TAFA2: variants seen among roughly 807,000 people sequenced by gnomAD.
TAFA2 encodes chemokine-like protein TAFA-2.
TAFA2 carries 7 observed loss-of-function variants against 18.8 expected under a neutral mutation model. The ratio of observed to expected loss-of-function variants is 0.37; its 90% CI spans 0.21 to 0.70. TAFA2 has a LOEUF of 0.70. TAFA2 is among the 30% of genes least tolerant of loss of function. The probability of loss-of-function intolerance (pLI) is 0.53; values close to 1 mark genes in which losing one functional copy is unlikely to be tolerated. For missense variants in TAFA2, 122 were observed against 158.1 expected (o/e 0.77, Z 1.23); for synonymous variants, 60 against 54.2 (o/e 1.11, Z -0.47).
intron 1 of TAFA2, chr12:61,879,579 G>A: frequency 1.3e-6 from 1 of 754,780 alleles, no homozygotes. Context: ...TCCAGGCCAG[G>A]TTCTGCACAC....
chr12:61,980,352 T>C (rs1879588084), intron 1 of TAFA2, among the ~76,000 whole-genome samples: 1 of 152,124 alleles, frequency 6.6e-6, no homozygotes, highest in Non-Finnish European at 1.5e-5. Context: ...GCCAATATCA[T>C]ACTGAATGGA....
intron 1 of TAFA2, among the ~76,000 whole-genome samples, chr12:61,980,421 C>A (rs754306229): frequency 6.6e-6 from 1 of 152,096 alleles, no homozygotes; most frequent in African/African-American, 2.4e-5. Context: ...CCTCTCTCAC[C>A]GCTCCTATTC....
chr12:61,843,554 G>A (rs779871473), intron 2 of TAFA2, among the ~76,000 whole-genome samples: 2 of 152,030 alleles, frequency 1.3e-5, no homozygotes, highest in Non-Finnish European at 2.9e-5. Flanking sequence ...AAGAGTTGGG[G>A]ATGTGAAGCC....
chr12:62,187,413 A>C (rs2062593584), intron 1 of TAFA2, among the ~76,000 whole-genome samples: 1 of 152,210 alleles, frequency 6.6e-6, no homozygotes, highest in Admixed American at 6.5e-5. Flanking sequence ...GCACCTATAA[A>C]GGCAGACATT....
chr12:61,888,153 A>G (rs534761882), intron 1 of TAFA2, among the ~76,000 whole-genome samples: 1 of 152,284 alleles, frequency 6.6e-6, no homozygotes, highest in East Asian at 1.9e-4. Flanking sequence ...TAGTTCAACC[A>G]TTGTGGAAGT....
intron 1 of TAFA2, among the ~76,000 whole-genome samples, chr12:62,128,325 C>T (rs1223496577): frequency 6.6e-6 from 1 of 152,008 alleles, no homozygotes; most frequent in African/African-American, 2.4e-5. Flanking sequence ...GTGACAAAAT[C>T]AATGCACTGG....
intron 1 of TAFA2, among the ~76,000 whole-genome samples, chr12:62,201,930 C>T (rs2062672616): frequency 1.3e-5 from 2 of 152,042 alleles, no homozygotes; most frequent in African/African-American, 4.8e-5. Context: ...TTTTATTGGT[C>T]TATTTAGGGA....
At chr12:62,090,964 T>C (rs1296364235) in intron 1 of TAFA2, among the ~76,000 whole-genome samples, 1 of 152,074 alleles carries the variant, frequency 6.6e-6, no homozygotes, top group African/African-American at 2.4e-5. Flanking sequence ...TACTTATGCC[T>C]ATTTTCCATT....
intron 1 of TAFA2, among the ~76,000 whole-genome samples, chr12:61,914,011 A>G (rs1264590790): frequency 6.6e-6 from 1 of 152,070 alleles, no homozygotes; most frequent in Non-Finnish European, 1.5e-5. Flanking sequence ...AAAGGGGAAA[A>G]CCCCAGCTAT....
chr12:61,819,298 C>T (rs1346804226), intron 2 of TAFA2, among the ~76,000 whole-genome samples: 2 of 152,162 alleles, frequency 1.3e-5, no homozygotes, highest in African/African-American at 4.8e-5. Flanking sequence ...TACCCAGAAA[C>T]AGCATTACTT....
At chr12:61,808,183 T>C (rs980510479) in intron 2 of TAFA2, among the ~76,000 whole-genome samples, 4 of 151,492 alleles carry the variant, frequency 2.6e-5, no homozygotes, top group Admixed American at 2.0e-4. Context: ...GGCAGGTCTT[T>C]CCCATGCTGT....
intron 2 of TAFA2, among the ~76,000 whole-genome samples, chr12:61,846,992 T>G (rs1222671372): frequency 6.6e-6 from 1 of 152,150 alleles, no homozygotes; most frequent in African/African-American, 2.4e-5. Context: ...AGGTTCCTCA[T>G]TCTTCTCTTA....
At chr12:61,823,456 C>G (rs1034531344) in intron 2 of TAFA2, among the ~76,000 whole-genome samples, 80 of 152,220 alleles carry the variant, frequency 5.3e-4, no homozygotes, top group African/African-American at 1.8e-3. Flanking sequence ...TACAGGCACC[C>G]ATTAACTTTG....
intron 1 of TAFA2, among the ~76,000 whole-genome samples, chr12:61,930,811 G>A (rs1486191735): frequency 2.0e-5 from 3 of 152,182 alleles, no homozygotes; most frequent in African/African-American, 4.8e-5. Context: ...CCCATGAATA[G>A]CAATGTCTGT....
intron 1 of TAFA2, among the ~76,000 whole-genome samples, chr12:62,038,757 A>G (rs1229769306): frequency 6.6e-6 from 1 of 152,212 alleles, no homozygotes; most frequent in East Asian, 1.9e-4. Context: ...CTATGCAAAA[A>G]GGTACAACAA....
chr12:61,954,810 C>T (rs1878594719), intron 1 of TAFA2, among the ~76,000 whole-genome samples: 1 of 152,070 alleles, frequency 6.6e-6, no homozygotes, highest in Non-Finnish European at 1.5e-5. Flanking sequence ...CTAGAACAGA[C>T]AAAAAAGTCT....
At chr12:62,044,036 C>T (rs1881841025) in intron 1 of TAFA2, among the ~76,000 whole-genome samples, 1 of 152,130 alleles carries the variant, frequency 6.6e-6, no homozygotes, top group African/African-American at 2.4e-5. Flanking sequence ...AAGTGTTCTA[C>T]ACAATCTGCA....
upstream of TAFA2, among the ~76,000 whole-genome samples, chr12:62,197,114 A>G (rs977033956): frequency 1.3e-5 from 2 of 152,206 alleles, no homozygotes; most frequent in Non-Finnish European, 2.9e-5. Flanking sequence ...TGCGCTCCTT[A>G]TGAGAATCTA....
chr12:62,043,678 C>A (rs1025762805), intron 1 of TAFA2, among the ~76,000 whole-genome samples: 2 of 151,926 alleles, frequency 1.3e-5, no homozygotes, highest in African/African-American at 4.8e-5. Flanking sequence ...TTAAATATAT[C>A]TTTAAATTTT....
Sources: gnomAD v4.1 joint callset for allele counts (sites outside exome capture counted in the v4.1 genomes callset) on GRCh38, gnomAD v4.1.1 for gene constraint, MANE v1.5 for transcripts, NCBI Gene and HGNC (gene_info 2026-07-23, HGNC 2026-07-21) for gene names.